The following CCDC73 variants were observed in gnomAD, a reference collection of about 807,000 sequenced individuals.
CCDC73 encodes the protein coiled-coil domain-containing protein 73.
Under a neutral mutation model 116.5 loss-of-function variants are expected in CCDC73, and 95 were observed. The ratio of observed to expected loss-of-function variants is 0.82; its 90% CI spans 0.69 to 0.97. The LOEUF (loss-of-function observed/expected upper bound fraction) is 0.97, where lower values mean the gene tolerates loss of function less well. CCDC73 is among the 50% of genes least tolerant of loss of function. The pLI is 0.00. For synonymous variants in CCDC73, 398 were observed against 401.3 expected (o/e 0.99, Z 0.10); for missense variants, 1,066 against 1,206.8 (o/e 0.88, Z 1.73).
intron 12 of CCDC73, among the ~76,000 whole-genome samples, chr11:32,646,707 A>T (rs1590566278): frequency 6.6e-6 from 1 of 152,312 alleles, no homozygotes; most frequent in East Asian, 1.9e-4. Flanking sequence ...TGGGCAAGAT[A>T]AACTTACATC....
chr11:32,807,047 C>G, the CCDC73 span, among the ~76,000 whole-genome samples: 2 of 152,166 alleles, frequency 1.3e-5, no homozygotes, highest in African/African-American at 4.8e-5. Flanking sequence ...ACAGCCCTTC[C>G]TATTTATTGG....
At chr11:32,608,782 T>G (rs1855386693) in intron 17 of CCDC73, among the ~76,000 whole-genome samples, 1 of 152,216 alleles carries the variant, frequency 6.6e-6, no homozygotes, top group South Asian at 2.1e-4. Context: ...CCATACATCC[T>G]TTGAAATCTA....
At chr11:32,830,398 C>A in the CCDC73 span, 2 of 989,630 alleles carry the variant, frequency 2.0e-6, no homozygotes, top group Non-Finnish European at 2.7e-6. Flanking sequence ...GCGCCGGGCG[C>A]TCTTGCGCCT....
chr11:32,727,748 T>C (rs1850040828), intron 2 of CCDC73, among the ~76,000 whole-genome samples: 1 of 151,986 alleles, frequency 6.6e-6, no homozygotes, highest in Non-Finnish European at 1.5e-5. Context: ...GTTTTTGTAT[T>C]TTTAGTAGAG....
At chr11:32,692,516 T>A (rs1030387513) in intron 6 of CCDC73, among the ~76,000 whole-genome samples, 1 of 152,084 alleles carries the variant, frequency 6.6e-6, no homozygotes, top group Non-Finnish European at 1.5e-5. Context: ...TATATAAAAT[T>A]AAGTAAGTTT....
chr11:32,617,640 G>C lies in CCDC73; in HGVS notation c.1186-1511C>G, dbSNP rs575313408. 2.6e-5 allele frequency among the ~76,000 whole-genome samples: 4 copies of C among 152,268 alleles called. No individual in the cohort carries two copies. The South Asian group carries it at 8.3e-4, about 32-fold the overall frequency. ...TATGGAACTAAAGTTAATTGGACTT[G>C]GTCAATGATTGGATGTGAAGGCTGA... is the stretch of plus-strand genomic sequence containing the variant. On this transcript the variant is annotated intron_variant, in intron 14 of 17. Transcript: ENST00000335185.
chr11:32,607,303 G>T (rs968860755), intron 17 of CCDC73, among the ~76,000 whole-genome samples: 11 of 149,234 alleles, frequency 7.4e-5, no homozygotes, highest in African/African-American at 2.5e-4. Context: ...CGTTTTAGCC[G>T]GGATGGTCTC....
the CCDC73 span, among the ~76,000 whole-genome samples, chr11:32,816,088 T>G: frequency 1.3e-5 from 2 of 152,234 alleles, no homozygotes; most frequent in Admixed American, 6.5e-5. Context: ...ACTGCCATTT[T>G]CTGAGTTTGG....
At chr11:32,640,326 T>C (rs1313645415) in intron 13 of CCDC73, among the ~76,000 whole-genome samples, 1 of 151,584 alleles carries the variant, frequency 6.6e-6, no homozygotes, top group Non-Finnish European at 1.5e-5. Flanking sequence ...AATAGTTTTC[T>C]TTTTTTTCTT....
intron 14 of CCDC73, among the ~76,000 whole-genome samples, chr11:32,634,413 T>C (rs114758597): frequency 0.013 from 2,025 of 152,194 alleles, 52 homozygotes; most frequent in African/African-American, 0.046. Context: ...ATCATCTTAA[T>C]AGACACAGAA....
chr11:32,762,552 T>A (rs1250981075), intron 1 of CCDC73, among the ~76,000 whole-genome samples: 1 of 152,126 alleles, frequency 6.6e-6, no homozygotes, highest in African/African-American at 2.4e-5. Context: ...GTAACCCACC[T>A]TCTACAGGAG....
chr11:32,798,253 T>C (rs1178149124), upstream of CCDC73, among the ~76,000 whole-genome samples: 1 of 152,244 alleles, frequency 6.6e-6, no homozygotes, highest in Non-Finnish European at 1.5e-5. Flanking sequence ...ACAAAGTGCA[T>C]AGCACTGTGC....
At chr11:32,623,983 G>A (rs575282387) in intron 14 of CCDC73, among the ~76,000 whole-genome samples, 1 of 152,218 alleles carries the variant, frequency 6.6e-6, no homozygotes, top group East Asian at 1.9e-4. Flanking sequence ...TACATGGCTG[G>A]TAGGACTATA....
intron 1 of CCDC73, among the ~76,000 whole-genome samples, chr11:32,781,595 C>T (rs1850585203): frequency 6.6e-6 from 1 of 152,178 alleles, no homozygotes; most frequent in Admixed American, 6.5e-5. Context: ...TTAGGCAGAA[C>T]CCTCTCTGAC....
chr11:32,801,640 C>CAAAAAAAAAAAAAAAAACAAAAAA, the CCDC73 span, among the ~76,000 whole-genome samples: 1 of 130,198 alleles, frequency 7.7e-6, no homozygotes. Flanking sequence ...GACTCCATCT[C>CAAAAAAAAAAAAAAAAACAAAAAA]AAAAAAAAAA....
chr11:32,781,020 A>T (rs1850578599), intron 1 of CCDC73, among the ~76,000 whole-genome samples: 1 of 152,184 alleles, frequency 6.6e-6, no homozygotes, highest in Non-Finnish European at 1.5e-5. Context: ...CTGCAGTCCC[A>T]GCTACTTGGG....
chr11:32,635,672 C>T (rs1855670638), intron 14 of CCDC73, 24 bp downstream of exon 14: 2 of 1,273,878 alleles, frequency 1.6e-6, no homozygotes, highest in Non-Finnish European at 2.0e-6. Flanking sequence ...ATAGTTTGTA[C>T]CCCACAACAT....
At chr11:32,672,245 G>T (rs7130509) in intron 9 of CCDC73, among the ~76,000 whole-genome samples, 2 of 152,144 alleles carry the variant, frequency 1.3e-5, no homozygotes, top group East Asian at 1.9e-4. Context: ...GGGAGGCTGA[G>T]GCAGGAGAAT....
chr11:32,752,379 T>C (rs1167880193), intron 2 of CCDC73, among the ~76,000 whole-genome samples: 1 of 152,204 alleles, frequency 6.6e-6, no homozygotes, highest in Non-Finnish European at 1.5e-5. Context: ...TAGCAAAATA[T>C]TTGCCCAAGT....
Sources: gnomAD v4.1 joint callset for allele counts (sites outside exome capture counted in the v4.1 genomes callset) on GRCh38, gnomAD v4.1.1 for gene constraint, MANE v1.5 for transcripts, NCBI Gene and HGNC (gene_info 2026-07-23, HGNC 2026-07-21) for gene names.